GOLM1: variants seen among roughly 807,000 people sequenced by gnomAD.
GOLM1 encodes epididymis luminal protein 46.
In GOLM1, 31 loss-of-function variants were observed where a neutral mutation model predicts 50.5. That is an observed-to-expected ratio of 0.61 (90% CI 0.46 to 0.83). The LOEUF is 0.83. Ranked by LOEUF, GOLM1 falls within the 40% of genes least tolerant of loss-of-function variation. The pLI is 0.00. For synonymous variants in GOLM1, 178 were observed against 192.8 expected (o/e 0.92, Z 0.64); for missense variants, 491 against 501.3 (o/e 0.98, Z 0.20).
chr9:86,062,766 T>C (rs946097563), intron 3 of GOLM1, among the ~76,000 whole-genome samples: 3 of 152,052 alleles, frequency 2.0e-5, no homozygotes, highest in Admixed American at 1.3e-4. Context: ...CCTGCTACAC[T>C]GTCTCCTTTG....
At chr9:86,048,438 G>A (rs959604932) in intron 4 of GOLM1, among the ~76,000 whole-genome samples, 1 of 152,158 alleles carries the variant, frequency 6.6e-6, no homozygotes, top group African/African-American at 2.4e-5. Flanking sequence ...AGATCCTTGA[G>A]GAATCGCCAC....
At position 86,032,881 on chromosome 9, in the gene GOLM1, A is replaced by G. The variant is rs143995054; in HGVS notation, c.1129+401T>C. Among the ~76,000 whole-genome samples, 250 of 152,322 alleles carry G rather than the reference A, an allele frequency of 1.6e-3. 1 individual carries two copies. The highest frequency in any genetic ancestry group is 3.8e-3 in the African/African-American group (160 of 41,572). ...CTGGCCTGGACTCTTCAAAAATTCA[A>G]AATAATAATACAAAGGGCAGCTTTC... On this transcript the variant is annotated intron_variant, in intron 9 of 9. Coordinates refer to ENST00000388712, the MANE Select transcript of GOLM1 (RefSeq NM_016548.4).
intron 5 of GOLM1, among the ~76,000 whole-genome samples, chr9:86,041,264 A>G (rs1039754529): frequency 6.6e-6 from 1 of 152,162 alleles, no homozygotes; most frequent in Admixed American, 6.5e-5. Flanking sequence ...GTTTATACTA[A>G]TAAGGGGGTC....
At chr9:86,035,029 G>A (rs1038481321) in intron 8 of GOLM1, 13 of 985,046 alleles carry the variant, frequency 1.3e-5, no homozygotes, top group Admixed American at 6.2e-5. Flanking sequence ...GACACTGCAC[G>A]ACGGTGGACA....
At chr9:86,062,055 C>T (rs889014037) in intron 3 of GOLM1, among the ~76,000 whole-genome samples, 3 of 151,840 alleles carry the variant, frequency 2.0e-5, no homozygotes, top group Non-Finnish European at 4.4e-5. Context: ...CAGGAAAACA[C>T]GTAGGACACA....
intron 3 of GOLM1, among the ~76,000 whole-genome samples, chr9:86,074,165 C>T (rs1163037668): frequency 6.6e-6 from 1 of 151,054 alleles, no homozygotes; most frequent in Non-Finnish European, 1.5e-5. Flanking sequence ...TGAGAATCAC[C>T]ATGGTTCTTT....
chr9:86,065,478 C>G (rs1304727964), intron 3 of GOLM1, among the ~76,000 whole-genome samples: 1 of 152,210 alleles, frequency 6.6e-6, no homozygotes, highest in Admixed American at 6.5e-5. Flanking sequence ...TTGGTTCCCC[C>G]AGAAGACAAT....
At chr9:86,030,673 G>A (rs1832948080) in intron 9 of GOLM1, among the ~76,000 whole-genome samples, 1 of 152,086 alleles carries the variant, frequency 6.6e-6, no homozygotes, top group Non-Finnish European at 1.5e-5. Context: ...AAAAAGACAT[G>A]AATTGGACAC....
At chr9:86,047,105 T>C (rs1833572413) in intron 4 of GOLM1, among the ~76,000 whole-genome samples, 1 of 141,618 alleles carries the variant, frequency 7.1e-6, no homozygotes, top group Admixed American at 7.0e-5. Flanking sequence ...TCCAAGGCCC[T>C]GTGCCCATTT....
At chr9:86,046,438 G>T in intron 5 of GOLM1, 32 bp downstream of exon 5, 1 of 1,294,936 alleles carries the variant, frequency 7.7e-7, no homozygotes, top group Non-Finnish European at 1.1e-6. Context: ...CGTGCACCCT[G>T]CACTGTGGCA....
At chr9:86,049,434 G>A (rs112309461) in intron 4 of GOLM1, among the ~76,000 whole-genome samples, 1 of 152,142 alleles carries the variant, frequency 6.6e-6, no homozygotes, top group Non-Finnish European at 1.5e-5. Flanking sequence ...TGATGGGGAT[G>A]GCATTGAATC....
At chr9:86,090,323 A>G (rs559906118) in intron 1 of GOLM1, among the ~76,000 whole-genome samples, 2 of 152,104 alleles carry the variant, frequency 1.3e-5, no homozygotes, top group African/African-American at 4.8e-5. Flanking sequence ...AGGAACATTT[A>G]AGTCTGCTGA....
At chr9:86,063,392 C>A (rs973884783) in intron 3 of GOLM1, among the ~76,000 whole-genome samples, 1 of 152,182 alleles carries the variant, frequency 6.6e-6, no homozygotes, top group South Asian at 2.1e-4. Context: ...CCTGCTCCCA[C>A]CTGCGGAAGA....
Position 86,036,341 on chromosome 9 carries a change from T to C in GOLM1, c.757+7A>G. 1 of 1,614,196 alleles carries C rather than the reference T, an allele frequency of 6.2e-7. No individual in the cohort carries two copies. The highest frequency in any genetic ancestry group is 1.3e-5 in the African/African-American group (1 of 75,070). Reference sequence around the variant, plus strand: ...TGGGAACAGGGCAACTGCTGGGCTCTGCTTACCTTTCTCAACTTGTCTCTT... The same window carrying C: ...TGGGAACAGGGCAACTGCTGGGCTCCGCTTACCTTTCTCAACTTGTCTCTT... On this transcript the variant is annotated splice_region_variant and intron_variant, in intron 7 of 9. Coordinates refer to ENST00000388712, the MANE Select transcript of GOLM1 (RefSeq NM_016548.4).
chr9:86,076,701 C>T (rs1834626722), intron 3 of GOLM1, among the ~76,000 whole-genome samples: 1 of 150,680 alleles, frequency 6.6e-6, no homozygotes, highest in South Asian at 2.1e-4. Flanking sequence ...CCCATCTCTA[C>T]TAAAAATATA....
chr9:86,087,137 G>A (rs1364590866), intron 1 of GOLM1, among the ~76,000 whole-genome samples: 2 of 152,122 alleles, frequency 1.3e-5, no homozygotes, highest in Non-Finnish European at 2.9e-5. Context: ...TTGAACAGTG[G>A]TTTGTAGTTC....
At chr9:86,037,438 CAAAAA>C (rs112398885) in intron 6 of GOLM1, among the ~76,000 whole-genome samples, 1 of 59,210 alleles carries the variant, frequency 1.7e-5, no homozygotes, top group Non-Finnish European at 4.1e-5. Flanking sequence ...GACTGTCTCT[CAAAAA>C]AAAAAAAAAA....
intron 3 of GOLM1, among the ~76,000 whole-genome samples, chr9:86,056,141 C>T (rs942216188): frequency 2.2e-4 from 33 of 149,660 alleles, no homozygotes; most frequent in African/African-American, 7.4e-4. Context: ...GCTCCCCTCC[C>T]GACCCAAATC....
chr9:86,029,330 C>T (rs1199243705), intron 9 of GOLM1, among the ~76,000 whole-genome samples: 1 of 151,784 alleles, frequency 6.6e-6, no homozygotes, highest in African/African-American at 2.4e-5. Context: ...AATCACCACG[C>T]TCCTGTGCGG....
Sources: allele counts gnomAD v4.1 joint callset (sites outside exome capture counted in the v4.1 genomes callset), GRCh38; gene constraint gnomAD v4.1.1; transcripts MANE v1.5; gene names NCBI Gene and HGNC (gene_info 2026-07-23, HGNC 2026-07-21).